Variants in RBCK1 observed in about 807,000 individuals in gnomAD.
The protein encoded by RBCK1 is RANBP2-type and C3HC4-type zinc finger containing 1, also known as ranBP-type and C3HC4-type zinc finger-containing protein 1.
RBCK1 carries 44 observed loss-of-function variants against 71.1 expected under a neutral mutation model. The ratio of observed to expected loss-of-function variants is 0.62; its 90% CI spans 0.49 to 0.80. The LOEUF (loss-of-function observed/expected upper bound fraction) is 0.80, where lower values mean the gene tolerates loss of function less well. Ranked by LOEUF, RBCK1 falls within the 30% of genes least tolerant of loss-of-function variation. The pLI, the probability that RBCK1 is intolerant of heterozygous loss-of-function variation, is 0.00. For missense variants in RBCK1, 569 were observed against 685.0 expected (o/e 0.83, Z 1.89); for synonymous variants, 306 against 279.7 (o/e 1.09, Z -0.94).
In RBCK1 at chr20:422,311, C is replaced by T; in HGVS notation, c.1029+73C>T. ...AACTGGGCCCTGAGCAGGCAGCAGA[C>T]ATCTTTCTTTTCTTTCTTTTTTTTT... On this transcript the variant is annotated intron_variant, in intron 8 of 11. Transcript: ENST00000356286. The surrounding 1 kb of genome is among the most constrained non-coding windows in gnomAD (Gnocchi z 5.0). 8.3e-7 allele frequency: 1 copy of T among 1,211,994 alleles called. No homozygotes were observed. Among genetic ancestry groups the T allele is most frequent in the Non-Finnish European group, 1.2e-6 (1 of 837,062 alleles). 75.1% of individuals were successfully genotyped at this position (1,211,994 alleles called of 1,614,324 possible).
chr20:417,912 C>T lies in RBCK1; in HGVS notation c.442C>T (p.Gln148Ter). 6.2e-7 allele frequency: 1 copy of T among 1,608,786 alleles called. No individual in the cohort carries two copies. Among genetic ancestry groups the T allele is most frequent in the Non-Finnish European group, 8.5e-7 (1 of 1,179,884 alleles). Residue 148 changes from glutamine to a stop codon, truncating the protein, a stop_gained, in exon 4 of 12, where the codon CAG (glutamine) becomes TAG (stop). Coordinates refer to ENST00000356286, the MANE Select transcript of RBCK1 (RefSeq NM_031229.4). LOFTEE classifies it high-confidence loss of function. This position sits in a 1 kb window ranked among gnomAD's most constrained non-coding sequence, Gnocchi z 4.7. ...LNPQELQRER[Q>*]LRMLEDLGFK... is the part of the protein sequence containing the mutation. Reference sequence around the variant, plus strand: ...CCCTCAGGAGCTGCAGCGGGAGCGGCAGCTGCGGATGCTGGAAGGTGAGGC... The same window carrying T: ...CCCTCAGGAGCTGCAGCGGGAGCGGTAGCTGCGGATGCTGGAAGGTGAGGC...
At chr20:419,509 C>T (rs753858607) in intron 5 of RBCK1, 41 bp downstream of exon 5, 32 of 1,603,862 alleles carry the variant, frequency 2.0e-5, no homozygotes, top group Admixed American at 3.4e-5. Context: ...CTGTGCCCCT[C>T]CCTTGCCTCA....
chr20:414,333 C>A (rs550390300), intron 2 of RBCK1, among the ~76,000 whole-genome samples: 36 of 152,236 alleles, frequency 2.4e-4, no homozygotes, highest in Non-Finnish European at 4.6e-4. Context: ...GATTATTAGA[C>A]CCTGGGTGGT....
chr20:411,370 ATTT>A (rs1200864294), intron 2 of RBCK1, among the ~76,000 whole-genome samples: 1 of 147,372 alleles, frequency 6.8e-6, no homozygotes, highest in African/African-American at 2.5e-5. Flanking sequence ...CACCCGGCTA[ATTT>A]TTTTTTTCTT....
In RBCK1 at chr20:430,873, C is replaced by T; in HGVS notation, c.*443C>T. ...CTGTTCAGAGCCAGGAAGGAGACTG[C>T]ACAGTTTTGAAAGCACAGCCCGTCA... On this transcript the variant is annotated 3_prime_UTR_variant, in exon 12 of 12. Coordinates refer to ENST00000356286, the MANE Select transcript of RBCK1 (RefSeq NM_031229.4). The surrounding 1 kb of genome is among the most constrained non-coding windows in gnomAD (Gnocchi z 5.6). 1 of 171,286 alleles carries T rather than the reference C, an allele frequency of 5.8e-6. No homozygotes were observed. The highest frequency in any genetic ancestry group is 1.3e-5 in the Non-Finnish European group (1 of 79,988). The allele number at this position is 171,286 out of a possible 1,614,324, so 10.6% of individuals were successfully genotyped here.
At chr20:423,768 G>C (rs2122294379) in intron 8 of RBCK1, among the ~76,000 whole-genome samples, 1 of 152,306 alleles carries the variant, frequency 6.6e-6, no homozygotes, top group South Asian at 2.1e-4. Flanking sequence ...TTACCTGGAT[G>C]GTTCTTCTGG....
rs763562321 is a variant in RBCK1, at chr20:417,892, A to G, written c.422A>G (p.Gln141Arg). Residue 141 changes from glutamine (Q) to arginine (R), a missense_variant, in exon 4 of 12, where the codon CAG (glutamine) becomes CGG (arginine). Physicochemically the swap from Gln to Arg is conservative, Grantham distance 43. Coordinates refer to ENST00000356286, the MANE Select transcript of RBCK1 (RefSeq NM_031229.4). This position sits in a 1 kb window ranked among gnomAD's most constrained non-coding sequence, Gnocchi z 4.7. ...GCCCGCAACACCTCCCTCAACCCTC[A>G]GGAGCTGCAGCGGGAGCGGCAGCTG... is the stretch of plus-strand genomic sequence containing the variant. ...LSARNTSLNPQELQRERQLRM... is the reference protein window; with the variant it reads ...LSARNTSLNPRELQRERQLRM... 2.2e-5 allele frequency: 36 copies of G among 1,612,022 alleles called. No individual in the cohort carries two copies. Among genetic ancestry groups the G allele is most frequent in the African/African-American group, 4.0e-5 (3 of 74,926 alleles).
rs1469037779 is a variant in RBCK1 at position 430,171 on chromosome 20, C to CT, written c.1453-178dup. ...GTTCCCGGATCTAGGCGTGGGTAGA[C>CT]TGAGTGCTGTGGGAGCCCAGAAAAG... On this transcript the variant is annotated intron_variant, in intron 11 of 11. Transcript: ENST00000356286. This position sits in a 1 kb window ranked among gnomAD's most constrained non-coding sequence, Gnocchi z 5.6. 6.6e-6 allele frequency among the ~76,000 whole-genome samples: 1 copy of CT among 152,212 alleles called. No individual in the cohort carries two copies. The highest frequency in any genetic ancestry group is 1.5e-5 in the Non-Finnish European group (1 of 68,048).
chr20:409,680 G>A, intron 1 of RBCK1: 2 of 693,278 alleles, frequency 2.9e-6, no homozygotes, highest in East Asian at 5.4e-5. Flanking sequence ...AATGAGCCTA[G>A]TGTGAGGAGG....
chr20:418,790 A>T (rs2016182236), intron 4 of RBCK1, among the ~76,000 whole-genome samples: 1 of 152,242 alleles, frequency 6.6e-6, no homozygotes, highest in Non-Finnish European at 1.5e-5. Context: ...CATTTCCTTG[A>T]AAAGAAAGGT....
At chr20:424,054 A>G (rs1050889393) in intron 8 of RBCK1, among the ~76,000 whole-genome samples, 4 of 152,338 alleles carry the variant, frequency 2.6e-5, no homozygotes, top group Admixed American at 2.6e-4. Context: ...CCCATGCTCA[A>G]GCACAGAGTC....
Position 408,439 on chromosome 20 carries a change from G to C in RBCK1, c.-319G>C, listed in dbSNP as rs528404011. 3.1e-5 allele frequency: 15 copies of C among 488,796 alleles called. No individual in the cohort carries two copies. The highest frequency in any genetic ancestry group is 4.7e-5 in the Non-Finnish European group (13 of 275,540). 30.3% of individuals were successfully genotyped at this position (488,796 alleles called of 1,614,324 possible). A position where few individuals can be genotyped will look rare whatever the true frequency, so the allele number is the denominator to read the frequency against. Reference sequence around the variant, plus strand: ...GGTCCTCCGGGACTTGGAACGCCCCGGCTGGGTGGTGTCCGGGCGTCCTTT... The same window carrying C: ...GGTCCTCCGGGACTTGGAACGCCCCCGCTGGGTGGTGTCCGGGCGTCCTTT... On this transcript the variant is annotated 5_prime_UTR_variant, in exon 1 of 12. Transcript: ENST00000356286.
intron 8 of RBCK1, among the ~76,000 whole-genome samples, chr20:424,682 C>G (rs2016612057): frequency 6.6e-6 from 1 of 152,204 alleles, no homozygotes; most frequent in African/African-American, 2.4e-5. Context: ...ATGTCCCCAG[C>G]ACCCATAGCC....
chr20:418,037 C>A, intron 4 of RBCK1, 107 bp downstream of exon 4: 1 of 1,098,812 alleles, frequency 9.1e-7, no homozygotes, highest in Non-Finnish European at 1.3e-6. Context: ...CAGGGACTCA[C>A]CCAGAGGACC....
At chr20:425,083 C>G (rs993880585) in intron 8 of RBCK1, among the ~76,000 whole-genome samples, 1 of 151,976 alleles carries the variant, frequency 6.6e-6, no homozygotes, top group African/African-American at 2.4e-5. Flanking sequence ...CGATCTCAGC[C>G]CACTGCAAGC....
In RBCK1 at chr20:417,364, A is replaced by T. The variant is rs2016054053; in HGVS notation, c.168-162A>T. Reference sequence around the variant, plus strand: ...ACTGGTGGGTTCTAATAAAGGAAGAAGCATGGGTGGGGCCTACCCCAGACT... The same window carrying T: ...ACTGGTGGGTTCTAATAAAGGAAGATGCATGGGTGGGGCCTACCCCAGACT... On this transcript the variant is annotated intron_variant, in intron 2 of 11. Coordinates refer to ENST00000356286, the MANE Select transcript of RBCK1 (RefSeq NM_031229.4). This position sits in a 1 kb window ranked among gnomAD's most constrained non-coding sequence, Gnocchi z 4.7. 2 of 757,912 alleles carry T rather than the reference A, an allele frequency of 2.6e-6. No individual in the cohort carries two copies. Among genetic ancestry groups the T allele is most frequent in the Non-Finnish European group, 4.8e-6 (2 of 414,322 alleles). 46.9% of individuals were successfully genotyped at this position (757,912 alleles called of 1,614,324 possible). A position where few individuals can be genotyped will look rare whatever the true frequency, so the allele number is the denominator to read the frequency against.
rs189631772 is a variant in RBCK1 at position 428,011 on chromosome 20, G to T, written c.1210-480G>T. On this transcript the variant is annotated intron_variant, in intron 9 of 11. Coordinates refer to ENST00000356286, the MANE Select transcript of RBCK1 (RefSeq NM_031229.4). The surrounding 1 kb of genome is among the most constrained non-coding windows in gnomAD (Gnocchi z 5.7). ...ACCCCAAACCTAGACAGCCCTACCT[G>T]ATCCTTCCCCCAGGCCTGTCCCCGC... 7.9e-5 allele frequency among the ~76,000 whole-genome samples: 12 copies of T among 152,222 alleles called. No homozygotes were observed. The highest frequency in any genetic ancestry group is 2.9e-4 in the African/African-American group (12 of 41,522).
intron 2 of RBCK1, among the ~76,000 whole-genome samples, chr20:416,463 T>G (rs1231874161): frequency 6.6e-6 from 1 of 152,184 alleles, no homozygotes; most frequent in African/African-American, 2.4e-5. Flanking sequence ...GCAGGAACTC[T>G]TCCTCATTTT....
chr20:421,949 G>A (rs1457805157), intron 7 of RBCK1, 178 bp from the exon 8 acceptor site: 1 of 581,074 alleles, frequency 1.7e-6, no homozygotes, highest in East Asian at 2.9e-5. Context: ...TATGGAGGCA[G>A]GGTGGAGGCC....
Sources: gnomAD v4.1 joint callset for allele counts (sites outside exome capture counted in the v4.1 genomes callset) on GRCh38, gnomAD v4.1.1 for gene constraint, Gnocchi (gnomAD v3.1) non-coding constraint, MANE v1.5 for transcripts, NCBI Gene and HGNC (gene_info 2026-07-23, HGNC 2026-07-21) for gene names.